The following REXO5 variants were observed in gnomAD, a reference collection of about 807,000 sequenced individuals.
The protein encoded by REXO5 is RNA exonuclease 5, also known as exonuclease NEF-sp.
In REXO5, 48 loss-of-function variants were observed where a neutral mutation model predicts 88.5. The observed-to-expected ratio is 0.54, with a 90% CI of 0.43 to 0.69. The LOEUF is 0.69. Among genes scored for constraint, REXO5 ranks in the 30% least tolerant of loss-of-function variants. The pLI is 0.00. For missense variants in REXO5, 749 were observed against 912.2 expected, an observed-to-expected ratio of 0.82 and a Z score of 2.30; for synonymous variants, 311 against 336.5, an observed-to-expected ratio of 0.92 and a Z score of 0.83.
intron 15 of REXO5, among the ~76,000 whole-genome samples, chr16:20,843,632 A>G (rs2081563131): frequency 6.6e-6 from 1 of 152,240 alleles, no homozygotes; most frequent in Non-Finnish European, 1.5e-5. Flanking sequence ...CCAAAAGACA[A>G]ATGGGAATCT....
intron 10 of REXO5, among the ~76,000 whole-genome samples, chr16:20,828,027 A>C (rs529079158): frequency 1.3e-5 from 2 of 152,182 alleles, no homozygotes; most frequent in South Asian, 4.1e-4. Flanking sequence ...ACATATATTA[A>C]GCTTTTTAAA....
intron 16 of REXO5, 143 bp downstream of exon 16, chr16:20,844,169 A>G (rs996919634): frequency 6.6e-6 from 4 of 603,372 alleles, no homozygotes; most frequent in Non-Finnish European, 1.2e-5. Context: ...CAAGTCTAAC[A>G]TTCTCCTACT....
In REXO5 at chr16:20,806,693, C is replaced by T; in HGVS notation, c.-15C>T. 1 of 1,032,462 alleles carries T rather than the reference C, an allele frequency of 9.7e-7. No individual in the cohort carries two copies. Among genetic ancestry groups the T allele is most frequent in the Non-Finnish European group, 1.4e-6 (1 of 734,390 alleles). 64.0% of individuals were successfully genotyped at this position (1,032,462 alleles called of 1,614,324 possible). On this transcript the variant is annotated 5_prime_UTR_variant, in exon 1 of 20. Transcript: ENST00000261377. ...ACGCCCGTTGTAGCCGTTGGGGAAC[C>T]GTTGAGAATCCGGTAACCGATGCGG...
At position 20,844,018 on chromosome 16, in the gene REXO5, T is replaced by G. The variant is rs747138892; in HGVS notation, c.1711T>G (p.Cys571Gly). The G allele has an allele frequency of 1.2e-5, 19 of 1,588,486 alleles. No homozygotes were observed. Among genetic ancestry groups the G allele is most frequent in the African/African-American group, 2.7e-5 (2 of 74,514 alleles). ...GGATGGTATTCTGGTAGATGGTATC[T>G]GCATCAAGGTAGGGTGACAAGAGAA... ...SLDGILVDGI[C>G]IKVQRPVTEL... is the part of the protein sequence containing the mutation. The change falls in exon 16 of 20, where the codon TGC (cysteine) becomes GGC (glycine). Residue 571 changes from cysteine to glycine, a missense_variant. Coordinates refer to ENST00000261377, the MANE Select transcript of REXO5 (RefSeq NM_030941.3).
At chr16:20,826,885 A>G (rs939139854) in intron 8 of REXO5, among the ~76,000 whole-genome samples, 173 bp from the exon 9 acceptor site, 4 of 152,308 alleles carry the variant, frequency 2.6e-5, no homozygotes, top group East Asian at 3.9e-4. Flanking sequence ...TAAAAAAGCA[A>G]TCATCTCTGG....
intron 12 of REXO5, 130 bp downstream of exon 12, chr16:20,832,389 T>C (rs1254449039): frequency 7.4e-6 from 4 of 542,564 alleles, no homozygotes; most frequent in Non-Finnish European, 1.3e-5. Flanking sequence ...TGATAACATC[T>C]ATCACAAAAA....
chr16:20,823,922 G>A (rs1336965958), intron 6 of REXO5, among the ~76,000 whole-genome samples: 1 of 152,166 alleles, frequency 6.6e-6, no homozygotes, highest in East Asian at 1.9e-4. Flanking sequence ...GAATCTCACA[G>A]GTTGAGTTGG....
chr16:20,832,087 G>A, intron 11 of REXO5, 69 bp from the exon 12 acceptor site: 1 of 1,067,840 alleles, frequency 9.4e-7, no homozygotes, highest in Non-Finnish European at 1.4e-6. Flanking sequence ...GTTGCTTTTT[G>A]TTTTGTATTT....
At chr16:20,840,945 TA>T (rs1291099310) in intron 15 of REXO5, among the ~76,000 whole-genome samples, 1 of 152,230 alleles carries the variant, frequency 6.6e-6, no homozygotes, top group Non-Finnish European at 1.5e-5. Context: ...ACCTCAGCTT[TA>T]AATGATAAAA....
intron 11 of REXO5, among the ~76,000 whole-genome samples, chr16:20,829,894 AT>A (rs1174545533): frequency 3.9e-5 from 6 of 152,234 alleles, no homozygotes; most frequent in Non-Finnish European, 7.3e-5. Context: ...CAACTAGTAA[AT>A]ATTGTAGGCT....
intron 13 of REXO5, among the ~76,000 whole-genome samples, chr16:20,837,903 C>G (rs1347592589): frequency 6.6e-6 from 1 of 151,982 alleles, no homozygotes; most frequent in Non-Finnish European, 1.5e-5. Context: ...GTAGCTGGGA[C>G]TACAGGCATG....
chr16:20,819,238 A>G (rs991082754), intron 5 of REXO5, among the ~76,000 whole-genome samples: 1 of 152,094 alleles, frequency 6.6e-6, no homozygotes, highest in Non-Finnish European at 1.5e-5. Flanking sequence ...AGAATGATTT[A>G]TATTCCTTTA....
At chr16:20,841,255 A>C (rs16970686) in intron 15 of REXO5, among the ~76,000 whole-genome samples, 7,560 of 152,308 alleles carry the variant, frequency 0.05, 416 homozygotes, top group African/African-American at 0.13. Flanking sequence ...CTTCACAGTC[A>C]TAACAATACC....
rs746305614 is a variant in REXO5 at position 20,832,154 on chromosome 16, A to G, written c.1159-2A>G. ...TATTTTTACCACTTTGTTTTCTTCA[A>G]GATTGCAGAACTAAATCTAGAAGCA... On this transcript the variant is annotated splice_acceptor_variant, in intron 11 of 19. Coordinates refer to ENST00000261377, the MANE Select transcript of REXO5 (RefSeq NM_030941.3). LOFTEE classifies it high-confidence loss of function. 5.0e-6 allele frequency: 8 copies of G among 1,593,798 alleles called. No individual in the cohort carries two copies. Among genetic ancestry groups the G allele is most frequent in the South Asian group, 1.1e-5 (1 of 88,838 alleles).
intron 13 of REXO5, among the ~76,000 whole-genome samples, chr16:20,839,183 TACC>T (rs2081485592): frequency 6.6e-6 from 1 of 152,174 alleles, no homozygotes; most frequent in Non-Finnish European, 1.5e-5. Context: ...CTCCAAGGAG[TACC>T]ACCTTTTCTC....
At chr16:20,827,300 T>G in intron 9 of REXO5, 53 bp from the exon 10 acceptor site, 1 of 1,599,744 alleles carries the variant, frequency 6.3e-7, no homozygotes, top group Non-Finnish European at 8.6e-7. Flanking sequence ...CTAGCCCACT[T>G]GTTTTTTCCT....
In REXO5 at chr16:20,845,040, G is replaced by T. The variant is rs1254275026; in HGVS notation, c.1937-14G>T. 6.2e-7 allele frequency: 1 copy of T among 1,611,056 alleles called. No homozygotes were observed. Among genetic ancestry groups the T allele is most frequent in the Non-Finnish European group, 8.5e-7 (1 of 1,178,028 alleles). On this transcript the variant is annotated splice_polypyrimidine_tract_variant and intron_variant, in intron 17 of 19. Transcript: ENST00000261377. ...TGGCCCTTAATAACATAAGGTGGGG[G>T]TTCTTGCTTTCAGAATTCAAAAGTT... is the stretch of plus-strand genomic sequence containing the variant.
intron 4 of REXO5, 59 bp from the exon 5 acceptor site, chr16:20,816,057 T>C (rs1778987393): frequency 2.2e-6 from 3 of 1,385,496 alleles, no homozygotes; most frequent in Non-Finnish European, 3.1e-6. Flanking sequence ...AGTCCAGGCC[T>C]TTCACAGTAT....
chr16:20,814,838 C>G, intron 3 of REXO5, 89 bp from the exon 4 acceptor site: 1 of 1,328,750 alleles, frequency 7.5e-7, no homozygotes, highest in Non-Finnish European at 1.0e-6. Context: ...CACTGCTTTT[C>G]CTGCGCCTTC....
Sources: allele counts gnomAD v4.1 joint callset (sites outside exome capture counted in the v4.1 genomes callset), GRCh38; gene constraint gnomAD v4.1.1; transcripts MANE v1.5; gene names NCBI Gene and HGNC (gene_info 2026-07-23, HGNC 2026-07-21).